SRD5A2: variants seen among roughly 807,000 people sequenced by gnomAD.
The protein encoded by SRD5A2 is steroid 5 alpha-reductase 2.
Under a neutral mutation model 27.4 loss-of-function variants are expected in SRD5A2, and 30 were observed. That is an observed-to-expected ratio of 1.10 (90% CI 0.82 to 1.49). The LOEUF (loss-of-function observed/expected upper bound fraction) is 1.49. Among genes scored for constraint, SRD5A2 ranks in the 40% most tolerant of loss-of-function variants. The pLI, the probability that SRD5A2 is intolerant of heterozygous loss-of-function variation, is 0.00. For synonymous variants in SRD5A2, 141 were observed against 133.6 expected, an observed-to-expected ratio of 1.06 and a Z score of -0.38; for missense variants, 348 against 323.4, an observed-to-expected ratio of 1.08 and a Z score of -0.58.
At chr2:31,573,715 A>G (rs1355362273) in intron 1 of SRD5A2, among the ~76,000 whole-genome samples, 1 of 152,218 alleles carries the variant, frequency 6.6e-6, no homozygotes, top group African/African-American at 2.4e-5. Flanking sequence ...ATCTGGGAGC[A>G]GGACCTGCCA....
At chr2:31,644,528 A>AT in the SRD5A2 span, among the ~76,000 whole-genome samples, 3 of 152,180 alleles carry the variant, frequency 2.0e-5, no homozygotes, top group Non-Finnish European at 4.4e-5. Flanking sequence ...GCAGTTCACA[A>AT]TAGGGTTCTT....
the SRD5A2 span, among the ~76,000 whole-genome samples, chr2:31,630,361 G>A: frequency 8.8e-4 from 134 of 152,298 alleles, no homozygotes; most frequent in African/African-American, 3.1e-3. Flanking sequence ...GAGAAAAAGA[G>A]AGATAGAAGT....
At chr2:31,564,005 A>G (rs1483138653) in intron 1 of SRD5A2, among the ~76,000 whole-genome samples, 2 of 152,116 alleles carry the variant, frequency 1.3e-5, no homozygotes, top group African/African-American at 4.8e-5. Context: ...AAAAATATCC[A>G]ACACCCAATG....
chr2:31,627,506 G>T, the SRD5A2 span, among the ~76,000 whole-genome samples: 1 of 151,496 alleles, frequency 6.6e-6, no homozygotes, highest in Non-Finnish European at 1.5e-5. Flanking sequence ...CTTGTCTTCT[G>T]CTAGCTTTCA....
chr2:31,558,387 G>C (rs1666544905), intron 1 of SRD5A2, among the ~76,000 whole-genome samples: 1 of 152,206 alleles, frequency 6.6e-6, no homozygotes, highest in South Asian at 2.1e-4. Flanking sequence ...CTGAAGGCTG[G>C]AAGTATGAGA....
chr2:31,579,114 A>G (rs1311038967), intron 1 of SRD5A2, among the ~76,000 whole-genome samples: 1 of 152,254 alleles, frequency 6.6e-6, no homozygotes, highest in South Asian at 2.1e-4. Flanking sequence ...TGTAAAATAA[A>G]GAATCTTGTT....
chr2:31,604,507 A>G, the SRD5A2 span, among the ~76,000 whole-genome samples: 1 of 151,930 alleles, frequency 6.6e-6, no homozygotes, highest in Non-Finnish European at 1.5e-5. Context: ...TCTATATCCC[A>G]ACAGTGAACA....
chr2:31,614,725 C>T, the SRD5A2 span, among the ~76,000 whole-genome samples: 1 of 152,174 alleles, frequency 6.6e-6, no homozygotes, highest in Admixed American at 6.5e-5. Flanking sequence ...TCCATACATC[C>T]TCTGAAATCT....
chr2:31,588,082 A>C, the SRD5A2 span, among the ~76,000 whole-genome samples: 15 of 152,142 alleles, frequency 9.9e-5, no homozygotes, highest in African/African-American at 3.6e-4. Flanking sequence ...ACAAAAGAAA[A>C]AAGAATCAAA....
chr2:31,556,911 A>G (rs956566320), intron 1 of SRD5A2, among the ~76,000 whole-genome samples: 7 of 152,188 alleles, frequency 4.6e-5, no homozygotes, highest in African/African-American at 1.7e-4. Context: ...ATTGCGTACT[A>G]TGTTCCAGGC....
chr2:31,611,276 G>A, the SRD5A2 span, among the ~76,000 whole-genome samples: 1 of 152,200 alleles, frequency 6.6e-6, no homozygotes, highest in East Asian at 1.9e-4. Context: ...AGATTCATGA[G>A]TAAAATAAAT....
the SRD5A2 span, among the ~76,000 whole-genome samples, chr2:31,657,603 A>G: frequency 6.6e-6 from 1 of 152,202 alleles, no homozygotes; most frequent in Non-Finnish European, 1.5e-5. Context: ...AGCAACTACC[A>G]CAACCCGAAT....
At chr2:31,537,974 C>T (rs141814742) in intron 1 of SRD5A2, among the ~76,000 whole-genome samples, 115 of 152,218 alleles carry the variant, frequency 7.6e-4, no homozygotes, top group Middle Eastern at 3.4e-3. Context: ...CCTCTAGAAC[C>T]GTGTGAAATA....
chr2:31,657,645 TGGTTTTGAAAAATTGGC>T, the SRD5A2 span, among the ~76,000 whole-genome samples: 1,358 of 152,310 alleles, frequency 8.9e-3, 16 homozygotes, highest in South Asian at 0.029. Context: ...TGACATGTCA[TGGTTTTGAAAAATTGGC>T]TATTTAAGGA....
At chr2:31,619,727 T>C in the SRD5A2 span, among the ~76,000 whole-genome samples, 2 of 152,148 alleles carry the variant, frequency 1.3e-5, no homozygotes, top group Non-Finnish European at 2.9e-5. Flanking sequence ...GTTGGCCATA[T>C]GTACGTCTTT....
At chr2:31,601,296 T>A in the SRD5A2 span, among the ~76,000 whole-genome samples, 6 of 152,054 alleles carry the variant, frequency 3.9e-5, no homozygotes, top group African/African-American at 1.4e-4. Flanking sequence ...AACATCTCTA[T>A]GCAATAAACT....
At chr2:31,595,616 TG>T in the SRD5A2 span, among the ~76,000 whole-genome samples, 1 of 152,142 alleles carries the variant, frequency 6.6e-6, no homozygotes, top group African/African-American at 2.4e-5. Context: ...ATGTGAATTC[TG>T]TCAGCATTCA....
chr2:31,566,268 T>A (rs1282306503), intron 1 of SRD5A2, among the ~76,000 whole-genome samples: 1 of 152,024 alleles, frequency 6.6e-6, no homozygotes, highest in African/African-American at 2.4e-5. Flanking sequence ...AAGTCTCCAT[T>A]TATAACCTTG....
At position 31,525,522 on chromosome 2, in the gene SRD5A2, G is replaced by C. The variant is rs1665758021; in HGVS notation, c.*674C>G. 2 of 225,100 alleles carry C rather than the reference G, an allele frequency of 8.9e-6. No individual in the cohort carries two copies. Among genetic ancestry groups the C allele is most frequent in the Middle Eastern group, 2.7e-3 (2 of 736 alleles). The allele number at this position is 225,100 out of a possible 1,614,324, so 13.9% of individuals were successfully genotyped here. A position where few individuals can be genotyped will look rare whatever the true frequency, so the allele number is the denominator to read the frequency against. ...AAGAATAGCCATACCAGTTTTCCGG[G>C]GATTGTGAAATCTTCTGGAAAACAG... is the stretch of plus-strand genomic sequence containing the variant. On this transcript the variant is annotated 3_prime_UTR_variant, in exon 5 of 5. Coordinates refer to ENST00000622030, the MANE Select transcript of SRD5A2 (RefSeq NM_000348.4).
Sources: allele counts gnomAD v4.1 joint callset (sites outside exome capture counted in the v4.1 genomes callset), GRCh38; gene constraint gnomAD v4.1.1; transcripts MANE v1.5; gene names NCBI Gene and HGNC (gene_info 2026-07-23, HGNC 2026-07-21).